Variants in RIF1 observed in about 807,000 individuals in gnomAD.
The protein encoded by RIF1 is replication timing regulatory factor 1.
In RIF1, 45 loss-of-function variants were observed where a neutral mutation model predicts 247.1. That is an observed-to-expected ratio of 0.18 (90% CI 0.14 to 0.23). The LOEUF is 0.23. RIF1 is among the 10% of genes least tolerant of loss of function. The pLI is 1.00. For synonymous variants in RIF1, 1,087 were observed against 978.8 expected (o/e 1.11, Z -2.06); for missense variants, 2,967 against 2,862.5 (o/e 1.04, Z -0.83).
chr2:151,429,485 T>C (rs1346154269), intron 9 of RIF1, among the ~76,000 whole-genome samples: 2 of 152,216 alleles, frequency 1.3e-5, no homozygotes, highest in Non-Finnish European at 2.9e-5. Context: ...CAGCCTATTA[T>C]TTGTGGCTTT....
In RIF1 at chr2:151,436,881, A is replaced by G. The variant is rs974378069; in HGVS notation, c.1250A>G (p.Asn417Ser). ...ACTCCCCGAATGAACCTGAGTTCGA[A>G]TTTAGGTGGAATGGCCACAATCCCA... ...PGTPRMNLSS[N>S]LGGMATIPSI... Residue 417 changes from asparagine to serine, a missense_variant, in exon 12 of 36, where the codon AAT (asparagine) becomes AGT (serine). Asn to Ser is a conservative substitution (Grantham distance 46, BLOSUM62 1). Coordinates refer to ENST00000444746, the MANE Select transcript of RIF1 (RefSeq NM_018151.5). 3 of 1,613,570 alleles carry G rather than the reference A, an allele frequency of 1.9e-6. No homozygotes were observed. Among genetic ancestry groups the G allele is most frequent in the African/African-American group, 1.3e-5 (1 of 74,972 alleles).
At chr2:151,411,000 T>A (rs1686085084) in intron 2 of RIF1, among the ~76,000 whole-genome samples, 1 of 152,228 alleles carries the variant, frequency 6.6e-6, no homozygotes, top group African/African-American at 2.4e-5. Context: ...GGAATAGGGA[T>A]CCCTGTTCTG....
At chr2:151,454,373 A>G (rs1041617458) in intron 21 of RIF1, among the ~76,000 whole-genome samples, 6 of 152,172 alleles carry the variant, frequency 3.9e-5, no homozygotes, top group African/African-American at 1.2e-4. Context: ...TATATCTAGG[A>G]AATAGTAGAC....
chr2:151,442,865 G>A (rs758979432), intron 16 of RIF1, among the ~76,000 whole-genome samples: 13 of 143,528 alleles, frequency 9.1e-5, no homozygotes, highest in Non-Finnish European at 1.5e-4. Flanking sequence ...TAATTCTCCC[G>A]GTCTCATGCC....
intron 33 of RIF1, 104 bp downstream of exon 33, chr2:151,468,860 C>A: frequency 1.3e-6 from 1 of 787,414 alleles, no homozygotes; most frequent in Non-Finnish European, 2.1e-6. Context: ...TTGGCATGTA[C>A]TCTCACACAC....
Position 151,420,299 on chromosome 2 carries a change from A to T in RIF1, c.613A>T (p.Thr205Ser). The T allele has an allele frequency of 6.2e-7, 1 of 1,614,176 alleles. No individual in the cohort carries two copies. The highest frequency in any genetic ancestry group is 8.5e-7 in the Non-Finnish European group (1 of 1,180,030). The change falls in exon 7 of 36, where the codon ACT (threonine) becomes TCT (serine). Residue 205 changes from threonine (T) to serine (S), a missense_variant. By Grantham distance (58) the Thr-to-Ser change is moderately conservative. This residue lies in a region of RIF1 where 269 missense variants were observed against 288.6 expected (regional missense o/e 0.93). Coordinates refer to ENST00000444746, the MANE Select transcript of RIF1 (RefSeq NM_018151.5). ...SAQKVHLRGA[T>S]ALEMGMPLLL... ...ACAAAAGGTACATTTGCGGGGAGCA[A>T]CTGCTCTGGAGATGGGAATGCCATT...
At chr2:151,514,715 C>T in the RIF1 span, 1 of 839,582 alleles carries the variant, frequency 1.2e-6, no homozygotes, top group Non-Finnish European at 1.8e-6. Context: ...ATTTGAAACC[C>T]ACAGTTAGGT....
chr2:151,460,688 G>A (rs1411781300), intron 26 of RIF1, among the ~76,000 whole-genome samples: 2 of 152,152 alleles, frequency 1.3e-5, no homozygotes, highest in Non-Finnish European at 2.9e-5. Flanking sequence ...CCACATTCTT[G>A]TAGCAACTAT....
intron 25 of RIF1, among the ~76,000 whole-genome samples, chr2:151,459,778 A>G (rs1695843410): frequency 6.6e-6 from 1 of 152,212 alleles, no homozygotes; most frequent in Non-Finnish European, 1.5e-5. Flanking sequence ...GAATTCATAA[A>G]ATTGAATGGT....
intron 4 of RIF1, among the ~76,000 whole-genome samples, chr2:151,415,620 T>TCCCAG (rs759910126): frequency 7.1e-5 from 10 of 141,506 alleles, no homozygotes; most frequent in South Asian, 2.5e-4. Context: ...ATGCCTGTAA[T>TCCCAG]CCCAGCACTT....
chr2:151,516,387 C>G, the RIF1 span: 85 of 1,019,544 alleles, frequency 8.3e-5, no homozygotes, highest in Admixed American at 1.9e-3. Context: ...GGAAACTGGC[C>G]ATGTCATGGG....
intron 11 of RIF1, among the ~76,000 whole-genome samples, chr2:151,501,807 A>G (rs1231885114): frequency 6.6e-6 from 1 of 152,146 alleles, no homozygotes; most frequent in Non-Finnish European, 1.5e-5. Context: ...GTTGTTGGTA[A>G]CATTAAATTA....
rs192754055 is a variant in RIF1, at chr2:151,505,376, G to T, written c.*862-834G>T. ...AGGGAGAATTCACAACATCCCCAAG[G>T]CATGGAAGCTCTTGATAGGAAGCAG... On this transcript the variant is annotated intron_variant and NMD_transcript_variant, in intron 12 of 13. Coordinates refer to the RIF1 transcript ENST00000454583. 220 of 1,008,832 alleles carry T rather than the reference G, an allele frequency of 2.2e-4. 1 individual carries two copies. Among genetic ancestry groups the T allele is most frequent in the Non-Finnish European group, 3.7e-5 (24 of 649,020 alleles). The allele number at this position is 1,008,832 out of a possible 1,614,324, so 62.5% of individuals were successfully genotyped here.
At chr2:151,447,321 G>A (rs1290762852) in intron 20 of RIF1, among the ~76,000 whole-genome samples, 1 of 152,298 alleles carries the variant, frequency 6.6e-6, no homozygotes, top group Middle Eastern at 3.4e-3. Context: ...ACCTCTTTCT[G>A]TTTACGCATG....
intron 24 of RIF1, among the ~76,000 whole-genome samples, chr2:151,458,468 G>A (rs1014732274): frequency 1.3e-5 from 2 of 151,798 alleles, no homozygotes; most frequent in African/African-American, 2.4e-5. Flanking sequence ...TCCTGACCTC[G>A]TTATCTGCGT....
chr2:151,455,410 A>T (rs535231439), intron 22 of RIF1, among the ~76,000 whole-genome samples: 1 of 152,136 alleles, frequency 6.6e-6, no homozygotes, highest in Non-Finnish European at 1.5e-5. Context: ...AGAATTGTTT[A>T]TGCAAACAAG....
Position 151,478,161 on chromosome 2 carries a change from A to G in RIF1, c.*3090A>G, listed in dbSNP as rs2049018328. Reference sequence around the variant, plus strand: ...ATGGAGCTTTACTCTAATTCCAAATAGTTAAAGGATGAATCAGGTTAAATA... The same window carrying G: ...ATGGAGCTTTACTCTAATTCCAAATGGTTAAAGGATGAATCAGGTTAAATA... On this transcript the variant is annotated 3_prime_UTR_variant, in exon 36 of 36. Transcript: ENST00000444746. 6.6e-6 allele frequency: 1 copy of G among 152,248 alleles called. No homozygotes were observed. Among genetic ancestry groups the G allele is most frequent in the South Asian group, 2.1e-4 (1 of 4,832 alleles). 9.4% of individuals were successfully genotyped at this position (152,248 alleles called of 1,614,324 possible).
the RIF1 span, among the ~76,000 whole-genome samples, chr2:151,524,957 C>T: frequency 3.9e-5 from 6 of 152,160 alleles, no homozygotes; most frequent in East Asian, 7.7e-4. Flanking sequence ...TGAGCCACCA[C>T]GCCCAGCCGA....
chr2:151,527,531 C>G, the RIF1 span: 1 of 1,613,470 alleles, frequency 6.2e-7, no homozygotes, highest in Non-Finnish European at 8.5e-7. Flanking sequence ...TCCGGTCGGT[C>G]AGGAGTCCAC....
Sources: gnomAD v4.1 joint callset for allele counts (sites outside exome capture counted in the v4.1 genomes callset) on GRCh38, gnomAD v4.1.1 for gene constraint, gnomAD v4.1.1 regional missense constraint, MANE v1.5 for transcripts, NCBI Gene and HGNC (gene_info 2026-07-23, HGNC 2026-07-21) for gene names.